Variants in PTPRT observed in about 807,000 individuals in gnomAD.
PTPRT encodes protein tyrosine phosphatase receptor type T.
PTPRT carries 56 observed loss-of-function variants against 176.8 expected under a neutral mutation model. The observed-to-expected ratio is 0.32, with a 90% CI of 0.26 to 0.40. The LOEUF is 0.40. Among genes scored for constraint, PTPRT ranks in the 10% least tolerant of loss-of-function variants. The pLI, the probability that PTPRT is intolerant of heterozygous loss-of-function variation, is 1.00. For synonymous variants in PTPRT, 783 were observed against 739.0 expected, an observed-to-expected ratio of 1.06 and a Z score of -0.96; for missense variants, 1,540 against 1,908.2, an observed-to-expected ratio of 0.81 and a Z score of 3.60.
At chr20:43,057,972 T>C (rs915826453) in intron 1 of PTPRT, among the ~76,000 whole-genome samples, 4 of 152,124 alleles carry the variant, frequency 2.6e-5, no homozygotes, top group Non-Finnish European at 4.4e-5. Flanking sequence ...CCAGTATATA[T>C]GTGTGAGATG....
At chr20:42,941,149 A>G (rs1980529033) in intron 1 of PTPRT, among the ~76,000 whole-genome samples, 1 of 151,986 alleles carries the variant, frequency 6.6e-6, no homozygotes, top group Non-Finnish European at 1.5e-5. Context: ...TGAGTTCCTT[A>G]AATTCCATAG....
chr20:42,513,022 G>C (rs2071986279), intron 7 of PTPRT, among the ~76,000 whole-genome samples: 1 of 151,980 alleles, frequency 6.6e-6, no homozygotes, highest in Non-Finnish European at 1.5e-5. Context: ...ACCACACCCA[G>C]CTCATTTTTG....
At chr20:42,411,535 A>G (rs1252249395) in intron 9 of PTPRT, among the ~76,000 whole-genome samples, 3 of 149,806 alleles carry the variant, frequency 2.0e-5, no homozygotes, top group Admixed American at 1.3e-4. Flanking sequence ...AAAAAAAAAA[A>G]AAAAAGAAAA....
chr20:42,301,137 A>G (rs559305138), intron 12 of PTPRT, among the ~76,000 whole-genome samples: 126 of 152,356 alleles, frequency 8.3e-4, no homozygotes, highest in African/African-American at 2.9e-3. Flanking sequence ...AAGAAATAGT[A>G]GCTTTATAGT....
chr20:43,169,426 T>C (rs1241562923), intron 1 of PTPRT, among the ~76,000 whole-genome samples: 1 of 152,306 alleles, frequency 6.6e-6, no homozygotes, highest in Middle Eastern at 3.4e-3. Flanking sequence ...TTGGCCCTCA[T>C]ACCTAGCAGC....
the PTPRT span, among the ~76,000 whole-genome samples, chr20:42,050,025 T>C: frequency 4.6e-5 from 7 of 152,232 alleles, no homozygotes; most frequent in African/African-American, 7.2e-5. Context: ...GCAGACATTC[T>C]GATTTTTCCC....
At chr20:43,144,821 G>A in intron 1 of PTPRT, among the ~76,000 whole-genome samples, 1 of 152,110 alleles carries the variant, frequency 6.6e-6, no homozygotes, top group East Asian at 1.9e-4. Context: ...AAGAAAAGTT[G>A]GTCACAACAC....
intron 2 of PTPRT, among the ~76,000 whole-genome samples, chr20:42,878,690 T>G (rs182711673): frequency 2.0e-5 from 3 of 152,296 alleles, no homozygotes; most frequent in Admixed American, 1.3e-4. Context: ...CCTAACCCAC[T>G]TCTTAGTTAG....
intron 7 of PTPRT, among the ~76,000 whole-genome samples, chr20:42,590,028 C>T (rs1334065549): frequency 6.6e-6 from 1 of 152,094 alleles, no homozygotes; most frequent in Non-Finnish European, 1.5e-5. Flanking sequence ...GGAGAACAGG[C>T]TTCTATGTGA....
chr20:42,654,346 A>C (rs1569058585), intron 7 of PTPRT, among the ~76,000 whole-genome samples: 1 of 152,132 alleles, frequency 6.6e-6, no homozygotes, highest in Admixed American at 6.5e-5. Context: ...ACAAAAAACA[A>C]AAAACACTGT....
At chr20:43,183,321 C>T (rs1222598715) in intron 1 of PTPRT, among the ~76,000 whole-genome samples, 1 of 152,140 alleles carries the variant, frequency 6.6e-6, no homozygotes, top group African/African-American at 2.4e-5. Flanking sequence ...TGTTTTCTGC[C>T]GGGGACCAGG....
chr20:43,027,970 C>A (rs1234958064), intron 1 of PTPRT, among the ~76,000 whole-genome samples: 1 of 152,166 alleles, frequency 6.6e-6, no homozygotes, highest in African/African-American at 2.4e-5. Flanking sequence ...GCCCGTCACC[C>A]TAAGAAACAC....
chr20:42,849,235 G>A (rs1264940327), intron 2 of PTPRT, among the ~76,000 whole-genome samples: 2 of 152,170 alleles, frequency 1.3e-5, no homozygotes, highest in Admixed American at 6.5e-5. Flanking sequence ...CAAGGGGTAA[G>A]TGGAATTTGC....
At chr20:42,444,015 C>A (rs3890324) in intron 9 of PTPRT, among the ~76,000 whole-genome samples, 35,524 of 152,016 alleles carry the variant, frequency 0.23, 4,922 homozygotes, top group African/African-American at 0.37. Context: ...CCCTTCATTC[C>A]TCTGTGTAGA....
chr20:42,075,427 T>C lies in PTPRT; in HGVS notation c.*5452A>G, dbSNP rs1982677502. ...ACATGACTTAGGAACAGCGTCCTGT[T>C]CATGCTTCCTCTTGGGCTCACCCAT... On this transcript the variant is annotated 3_prime_UTR_variant, in exon 31 of 31. Coordinates refer to ENST00000373187, the MANE Select transcript of PTPRT (RefSeq NM_007050.6). 4.4e-6 allele frequency: 1 copy of C among 226,894 alleles called. No individual in the cohort carries two copies. Among genetic ancestry groups the C allele is most frequent in the African/African-American group, 2.2e-5 (1 of 45,006 alleles). 14.1% of individuals were successfully genotyped at this position (226,894 alleles called of 1,614,324 possible).
intron 1 of PTPRT, among the ~76,000 whole-genome samples, chr20:43,015,937 T>C (rs1425118632): frequency 6.9e-6 from 1 of 144,062 alleles, no homozygotes; most frequent in Non-Finnish European, 1.5e-5. Context: ...ACACACTAAG[T>C]ATTTCAAAAA....
intron 16 of PTPRT, among the ~76,000 whole-genome samples, chr20:42,177,571 C>A (rs1990343864): frequency 6.6e-6 from 1 of 152,174 alleles, no homozygotes; most frequent in Non-Finnish European, 1.5e-5. Flanking sequence ...ACTGAAATGC[C>A]AAACTACTTT....
At chr20:42,368,759 C>T (rs1369202142) in intron 9 of PTPRT, among the ~76,000 whole-genome samples, 1 of 152,136 alleles carries the variant, frequency 6.6e-6, no homozygotes, top group African/African-American at 2.4e-5. Flanking sequence ...AAGACTTTTG[C>T]TAAAGTAATA....
intron 7 of PTPRT, among the ~76,000 whole-genome samples, chr20:42,516,486 A>G (rs1480144914): frequency 6.6e-6 from 1 of 152,116 alleles, no homozygotes; most frequent in African/African-American, 2.4e-5. Flanking sequence ...CAGCTTGTTC[A>G]TTCTCTTTGC....
Sources: allele counts gnomAD v4.1 joint callset (sites outside exome capture counted in the v4.1 genomes callset), GRCh38; gene constraint gnomAD v4.1.1; transcripts MANE v1.5; gene names NCBI Gene and HGNC (gene_info 2026-07-23, HGNC 2026-07-21).